The following DLG1 variants were observed in gnomAD, a reference collection of about 807,000 sequenced individuals.
DLG1 encodes discs large MAGUK scaffold protein 1.
In DLG1, 42 loss-of-function variants were observed where a neutral mutation model predicts 123.4. The ratio of observed to expected loss-of-function variants is 0.34; its 90% CI spans 0.27 to 0.44. The LOEUF is 0.44. DLG1 is among the 20% of genes least tolerant of loss of function. The pLI is 1.00. For synonymous variants in DLG1, 317 were observed against 356.2 expected (o/e 0.89, Z 1.24); for missense variants, 942 against 1,082.6 (o/e 0.87, Z 1.82).
chr3:197,247,191 G>A (rs1251078470), intron 4 of DLG1, among the ~76,000 whole-genome samples: 1 of 152,156 alleles, frequency 6.6e-6, no homozygotes, highest in African/African-American at 2.4e-5. Flanking sequence ...AGAGGTGGAG[G>A]GGAAAGGGAA....
intron 3 of DLG1, among the ~76,000 whole-genome samples, chr3:197,292,875 T>C (rs1452479564): frequency 1.3e-5 from 2 of 152,200 alleles, no homozygotes; most frequent in African/African-American, 4.8e-5. Context: ...GCCCCAGTTT[T>C]TCTCATGCAC....
rs552872752 is a variant in DLG1 at position 197,283,964 on chromosome 3, C to T, written c.152-1119G>A. 6.2e-4 allele frequency among the ~76,000 whole-genome samples: 93 copies of T among 149,612 alleles called. 1 individual carries two copies. Among genetic ancestry groups the T allele is most frequent in the African/African-American group, 2.2e-3 (88 of 40,472 alleles). On this transcript the variant is annotated intron_variant, in intron 3 of 24. Coordinates refer to ENST00000667157, the MANE Select transcript of DLG1 (RefSeq NM_001366207.1). ...GCAACCTCCACCTCCTGGGTTCATG[C>T]GATTCTCCTGACTCAGCCTCCGAGT...
At chr3:197,209,215 A>G (rs993910989) in intron 4 of DLG1, among the ~76,000 whole-genome samples, 6 of 146,688 alleles carry the variant, frequency 4.1e-5, no homozygotes, top group African/African-American at 1.5e-4. Context: ...AAAGGTATAT[A>G]AACTGTAAGC....
chr3:197,131,234 G>C (rs1312155668), intron 10 of DLG1, among the ~76,000 whole-genome samples: 2 of 152,246 alleles, frequency 1.3e-5, no homozygotes, highest in Non-Finnish European at 2.9e-5. Flanking sequence ...CTCCTAAATG[G>C]TTTTAGTAAA....
intron 3 of DLG1, among the ~76,000 whole-genome samples, chr3:197,288,382 AGAAAAG>A (rs1772927169): frequency 6.8e-6 from 1 of 148,050 alleles, no homozygotes; most frequent in African/African-American, 2.5e-5. Flanking sequence ...AAAAAAAAAA[AGAAAAG>A]AAAAGGAAAA....
intron 4 of DLG1, among the ~76,000 whole-genome samples, chr3:197,267,903 G>A (rs1041678760): frequency 6.6e-6 from 1 of 152,020 alleles, no homozygotes; most frequent in Admixed American, 6.6e-5. Context: ...AAATAAAGAG[G>A]GGAACAGAGG....
intron 11 of DLG1, among the ~76,000 whole-genome samples, chr3:197,125,082 G>A (rs995479647): frequency 1.3e-5 from 2 of 152,002 alleles, no homozygotes; most frequent in South Asian, 2.1e-4. Context: ...GTCGAGTTTC[G>A]GGGTAAAAAT....
At chr3:197,258,310 G>T (rs543572514) in intron 4 of DLG1, among the ~76,000 whole-genome samples, 1 of 151,962 alleles carries the variant, frequency 6.6e-6, no homozygotes, top group Non-Finnish European at 1.5e-5. Context: ...TACTGTAAAT[G>T]GAGACCAAGA....
At chr3:197,120,682 T>C (rs1263098359) in intron 11 of DLG1, among the ~76,000 whole-genome samples, 1 of 152,200 alleles carries the variant, frequency 6.6e-6, no homozygotes, top group Non-Finnish European at 1.5e-5. Flanking sequence ...ATTACTATAG[T>C]GGCCAGATAG....
At chr3:197,169,895 G>T (rs114388281) in intron 5 of DLG1, among the ~76,000 whole-genome samples, 1 of 151,976 alleles carries the variant, frequency 6.6e-6, no homozygotes, top group Non-Finnish European at 1.5e-5. Context: ...TATTTTTCCG[G>T]ATCTTCTCCC....
chr3:197,254,524 T>C (rs1396292190), intron 4 of DLG1, among the ~76,000 whole-genome samples: 2 of 152,094 alleles, frequency 1.3e-5, no homozygotes, highest in African/African-American at 2.4e-5. Flanking sequence ...TTAAGACATG[T>C]AAAGAAGTAG....
At chr3:197,050,378 ACAAC>A (rs1183922796) in intron 24 of DLG1, among the ~76,000 whole-genome samples, 2 of 151,998 alleles carry the variant, frequency 1.3e-5, no homozygotes, top group Non-Finnish European at 2.9e-5. Context: ...AAAAAAAACA[ACAAC>A]AAAAAAAACC....
intron 12 of DLG1, among the ~76,000 whole-genome samples, chr3:197,117,801 A>G (rs138005742): frequency 8.5e-4 from 129 of 152,332 alleles, no homozygotes; most frequent in Non-Finnish European, 1.3e-3. Context: ...ACACTTAAAA[A>G]TAGTTAAAAT....
intron 14 of DLG1, among the ~76,000 whole-genome samples, chr3:197,098,877 T>A (rs991540227): frequency 1.3e-5 from 2 of 152,182 alleles, no homozygotes; most frequent in African/African-American, 4.8e-5. Context: ...TACCTTTCTA[T>A]ATGTTCAAAA....
chr3:197,055,095 G>A (rs1354316883), intron 23 of DLG1, among the ~76,000 whole-genome samples: 15 of 152,086 alleles, frequency 9.9e-5, no homozygotes, highest in South Asian at 2.1e-4. Flanking sequence ...GGTTACAGGC[G>A]TGAGCCACTG....
chr3:197,085,800 T>A (rs1331356064), intron 15 of DLG1, 44 bp from the exon 16 acceptor site: 2 of 1,552,250 alleles, frequency 1.3e-6, no homozygotes, highest in South Asian at 2.3e-5. Flanking sequence ...TGTTATAATA[T>A]TAATCAACAT....
At chr3:197,223,647 A>C (rs1210138789) in intron 4 of DLG1, among the ~76,000 whole-genome samples, 3 of 152,254 alleles carry the variant, frequency 2.0e-5, no homozygotes, top group Non-Finnish European at 2.9e-5. Flanking sequence ...AAGTACTGTT[A>C]GAAAATAAAC....
chr3:197,123,128 C>T (rs1777289396), intron 11 of DLG1, among the ~76,000 whole-genome samples: 1 of 152,138 alleles, frequency 6.6e-6, no homozygotes, highest in African/African-American at 2.4e-5. Flanking sequence ...TAAAAAATCT[C>T]TCATTACATG....
rs1412848669 is a variant in DLG1, at chr3:197,281,938, T to C, written c.318+741A>G. ...GAGGCCTACCACCACTTTTCCCTGA[T>C]TTATTATTCACCAAACAGAAACATC... On this transcript the variant is annotated intron_variant, in intron 4 of 24. Transcript: ENST00000667157. 3.3e-5 allele frequency among the ~76,000 whole-genome samples: 5 copies of C among 152,322 alleles called. No homozygotes were observed. In the South Asian group the frequency reaches 6.2e-4, roughly 19 times the overall value.
Sources: allele counts gnomAD v4.1 joint callset (sites outside exome capture counted in the v4.1 genomes callset), GRCh38; gene constraint gnomAD v4.1.1; transcripts MANE v1.5; gene names NCBI Gene and HGNC (gene_info 2026-07-23, HGNC 2026-07-21).